GRIA3: variants seen among roughly 807,000 people sequenced by gnomAD.
GRIA3 encodes the protein glutamate ionotropic receptor AMPA type subunit 3.
In GRIA3, 3 loss-of-function variants were observed where a neutral mutation model predicts 63.0. The observed-to-expected ratio is 0.05, with a 90% CI of 0.02 to 0.12. GRIA3 has a LOEUF of 0.12. GRIA3 is among the 10% of genes least tolerant of loss of function. The pLI is 1.00. For missense variants in GRIA3, 347 were observed against 700.9 expected (o/e 0.50, Z 5.70); for synonymous variants, 274 against 257.9 (o/e 1.06, Z -0.60).
chrX:123,449,367 T>G (rs180854742), intron 12 of GRIA3, among the ~76,000 whole-genome samples: 1 of 112,573 alleles, frequency 8.9e-6, no homozygotes, highest in East Asian at 2.8e-4. Flanking sequence ...CCATTTTGCA[T>G]ATGGAGACCA....
At chrX:123,353,294 C>T (rs1025082260) in intron 4 of GRIA3, among the ~76,000 whole-genome samples, 1 of 112,068 alleles carries the variant, frequency 8.9e-6, no homozygotes, top group African/African-American at 3.2e-5. Flanking sequence ...ATGTGAAGTA[C>T]TGCCAAGAGT....
intron 13 of GRIA3, among the ~76,000 whole-genome samples, chrX:123,472,389 A>G (rs1482929150): frequency 9.0e-6 from 1 of 110,537 alleles, no homozygotes; most frequent in Middle Eastern, 4.2e-3. Flanking sequence ...GTGCCATTGG[A>G]ATGAACTAAA....
At chrX:123,388,880 G>A in intron 5 of GRIA3, among the ~76,000 whole-genome samples, 1 of 111,341 alleles carries the variant, frequency 9.0e-6, no homozygotes. Flanking sequence ...TCTTAACATT[G>A]CTTTTTCTGT....
At chrX:123,434,350 G>A (rs984709145) in intron 12 of GRIA3, among the ~76,000 whole-genome samples, 71 of 111,458 alleles carry the variant, frequency 6.4e-4, no homozygotes, top group African/African-American at 2.2e-3. Context: ...CTGGAAAGCT[G>A]CAGCCAAATT....
chrX:123,202,726 T>C (rs1039584522), intron 2 of GRIA3: 13 of 1,166,177 alleles, frequency 1.1e-5, no homozygotes, highest in Non-Finnish European at 1.5e-5. Flanking sequence ...CATGGGCTGC[T>C]GCACCTAAAA....
chrX:123,353,303 G>A (rs55832525), intron 4 of GRIA3, among the ~76,000 whole-genome samples: 2 of 112,137 alleles, frequency 1.8e-5, no homozygotes, highest in Non-Finnish European at 3.8e-5. Context: ...ACTGCCAAGA[G>A]TATGGGTTCT....
chrX:123,383,938 T>C (rs1603125989), intron 5 of GRIA3, among the ~76,000 whole-genome samples: 1 of 111,575 alleles, frequency 9.0e-6, no homozygotes, highest in Non-Finnish European at 1.9e-5. Flanking sequence ...TCTCTCCCAC[T>C]TATAAGTGAA....
intron 2 of GRIA3, among the ~76,000 whole-genome samples, chrX:123,235,307 G>C (rs139421110): frequency 9.0e-6 from 1 of 111,511 alleles, no homozygotes; most frequent in African/African-American, 3.3e-5. Context: ...TCCACTTTTG[G>C]AGGGATACAC....
intron 12 of GRIA3, among the ~76,000 whole-genome samples, chrX:123,433,726 T>C (rs183587229): frequency 1.8e-5 from 2 of 111,894 alleles, no homozygotes; most frequent in Admixed American, 9.5e-5. Context: ...GAGTGGTGAC[T>C]TGCTCCAGTG....
chrX:123,360,776 T>C (rs1460829135), intron 5 of GRIA3, among the ~76,000 whole-genome samples: 2 of 102,568 alleles, frequency 1.9e-5, no homozygotes, highest in Non-Finnish European at 3.9e-5. Flanking sequence ...AACTGTATCT[T>C]AACAGGCATC....
chrX:123,217,558 A>G (rs1928190479), intron 2 of GRIA3, among the ~76,000 whole-genome samples: 1 of 111,962 alleles, frequency 8.9e-6, no homozygotes, highest in Non-Finnish European at 1.9e-5. Flanking sequence ...GAGCTTCCCC[A>G]GTATTTCATG....
intron 10 of GRIA3, among the ~76,000 whole-genome samples, chrX:123,410,515 T>C (rs181155652): frequency 1.7e-3 from 190 of 112,051 alleles, no homozygotes; most frequent in African/African-American, 5.6e-3. Context: ...AGATACTATT[T>C]GCACTGACAT....
At chrX:123,237,787 G>A (rs898431293) in intron 2 of GRIA3, among the ~76,000 whole-genome samples, 1 of 111,896 alleles carries the variant, frequency 8.9e-6, no homozygotes, top group East Asian at 2.8e-4. Flanking sequence ...CATTCTAAGA[G>A]TTGCATGTGT....
chrX:123,439,331 A>G (rs193226960), intron 12 of GRIA3, among the ~76,000 whole-genome samples: 1 of 111,963 alleles, frequency 8.9e-6, no homozygotes, highest in East Asian at 2.8e-4. Flanking sequence ...TCCTGATTGC[A>G]TGAATCTATC....
chrX:123,474,981 A>C (rs2045880545), intron 13 of GRIA3, among the ~76,000 whole-genome samples: 1 of 111,825 alleles, frequency 8.9e-6, no homozygotes, highest in Non-Finnish European at 1.9e-5. Context: ...TGTTTTCTTC[A>C]AAAAATGAAC....
chrX:123,439,263 T>C (rs765554924), intron 12 of GRIA3, among the ~76,000 whole-genome samples: 3 of 112,070 alleles, frequency 2.7e-5, no homozygotes, highest in Non-Finnish European at 5.6e-5. Context: ...TGGTTTAGAA[T>C]GTTACCTGTT....
chrX:123,217,330 T>C (rs1469374399), intron 2 of GRIA3, among the ~76,000 whole-genome samples: 1 of 111,197 alleles, frequency 9.0e-6, no homozygotes, highest in Admixed American at 9.5e-5. Context: ...ACCCTGATAA[T>C]GGAGAAGAGG....
At chrX:123,190,086 T>C (rs1246038672) in intron 2 of GRIA3, among the ~76,000 whole-genome samples, 1 of 111,698 alleles carries the variant, frequency 9.0e-6, no homozygotes, top group African/African-American at 3.3e-5. Context: ...ATTTGGTGGG[T>C]TTTGTTTTGT....
chrX:123,221,954 C>T (rs1168179221), intron 2 of GRIA3, among the ~76,000 whole-genome samples: 1 of 111,588 alleles, frequency 9.0e-6, no homozygotes, highest in Non-Finnish European at 1.9e-5. Flanking sequence ...GCTCCAAGCC[C>T]TTTCTAACTT....
Sources: gnomAD v4.1 joint callset for allele counts (sites outside exome capture counted in the v4.1 genomes callset) on GRCh38, gnomAD v4.1.1 for gene constraint, MANE v1.5 for transcripts, NCBI Gene and HGNC (gene_info 2026-07-23, HGNC 2026-07-21) for gene names.